The following TM2D2 variants were observed in gnomAD, a reference collection of about 807,000 sequenced individuals.
The protein encoded by TM2D2 is TM2 domain-containing protein 2.
In TM2D2, 19 loss-of-function variants were observed where a neutral mutation model predicts 23.0. The observed-to-expected ratio is 0.82, with a 90% CI of 0.58 to 1.21. The LOEUF is 1.21. Among genes scored for constraint, TM2D2 ranks in the 50% most tolerant of loss-of-function variants. TM2D2 has a pLI of 0.00. For synonymous variants in TM2D2, 120 were observed against 108.8 expected, an observed-to-expected ratio of 1.10 and a Z score of -0.64; for missense variants, 246 against 265.4, an observed-to-expected ratio of 0.93 and a Z score of 0.51.
rs922509365 is a variant in TM2D2, at chr8:38,990,282, G to A, written c.*1050C>T. The A allele has an allele frequency of 6.6e-6, 1 of 152,204 alleles. No individual in the cohort carries two copies. The highest frequency in any genetic ancestry group is 1.5e-5 in the Non-Finnish European group (1 of 68,034). The allele number at this position is 152,204 out of a possible 1,614,324, so 9.4% of individuals were successfully genotyped here. On this transcript the variant is annotated 3_prime_UTR_variant, in exon 4 of 4. Coordinates refer to ENST00000456397, the MANE Select transcript of TM2D2 (RefSeq NM_078473.3). ...GAGTTCTACCTTGTTTCTAGAATTT[G>A]TAAGTTATTCTGAGTAAAGCCTCTT...
rs545024305 is a variant in TM2D2 at position 38,994,697 on chromosome 8, T to C, written c.315+621A>G. On this transcript the variant is annotated intron_variant, in intron 2 of 3. Transcript: ENST00000456397. Reference sequence around the variant, plus strand: ...GTGGGGAGGAGATACATGAACTTCATTGGTTATTTTGAGAGATTGATTAGG... The same window carrying C: ...GTGGGGAGGAGATACATGAACTTCACTGGTTATTTTGAGAGATTGATTAGG... 1.4e-4 allele frequency among the ~76,000 whole-genome samples: 22 copies of C among 152,290 alleles called. No homozygotes were observed. In the South Asian group the frequency reaches 3.7e-3, roughly 26 times the overall value.
At position 38,990,258 on chromosome 8, in the gene TM2D2, A is replaced by C. The variant is rs1414829206; in HGVS notation, c.*1074T>G. 1 of 152,254 alleles carries C rather than the reference A, an allele frequency of 6.6e-6. No individual in the cohort carries two copies. Among genetic ancestry groups the C allele is most frequent in the Admixed American group, 6.5e-5 (1 of 15,282 alleles). The allele number at this position is 152,254 out of a possible 1,614,324, so 9.4% of individuals were successfully genotyped here. On this transcript the variant is annotated 3_prime_UTR_variant, in exon 4 of 4. Coordinates refer to ENST00000456397, the MANE Select transcript of TM2D2 (RefSeq NM_078473.3). ...CAATTATTATTAGGTAAACTGAGTGAGTTCTACCTTGTTTCTAGAATTTGT... is the reference window on the plus strand; with the variant it reads ...CAATTATTATTAGGTAAACTGAGTGCGTTCTACCTTGTTTCTAGAATTTGT...
At chr8:38,991,581 G>T in intron 3 of TM2D2, 36 bp from the exon 4 acceptor site, 1 of 1,516,600 alleles carries the variant, frequency 6.6e-7, no homozygotes, top group Non-Finnish European at 9.1e-7. Flanking sequence ...ATGTTTTACT[G>T]CACGAAAATT....
rs1164794105 is a variant in TM2D2 at position 38,990,720 on chromosome 8, A to G, written c.*612T>C. On this transcript the variant is annotated 3_prime_UTR_variant, in exon 4 of 4. Transcript: ENST00000456397. ...TGGAGACAAAAGAGGGCTTAATAGG[A>G]TGGCTCATTTCAAATGACTAGGTTT... The G allele has an allele frequency of 6.5e-6, 1 of 153,552 alleles. No individual in the cohort carries two copies. The highest frequency in any genetic ancestry group is 1.4e-5 in the Non-Finnish European group (1 of 69,020). The allele number at this position is 153,552 out of a possible 1,614,324, so 9.5% of individuals were successfully genotyped here.
rs760852155 is a variant in TM2D2, at chr8:38,993,621, C to G, written c.355G>C (p.Val119Leu). The change falls in exon 3 of 4, where the codon GTC becomes CTC. Residue 119 changes from valine to leucine, a missense_variant. Physicochemically the swap from Val to Leu is conservative, Grantham distance 32 (BLOSUM62 1). Transcript: ENST00000456397. ...ATTCCATCTAAGGCATGGCACTGGA[C>G]TGAAGTGTGTTCCACGTCGCTGTAG... is the stretch of plus-strand genomic sequence containing the variant. ...QAYSDVEHTS[V>L]QCHALDGIEC... 1 of 1,613,998 alleles carries G rather than the reference C, an allele frequency of 6.2e-7. No homozygotes were observed. Among genetic ancestry groups the G allele is most frequent in the Non-Finnish European group, 8.5e-7 (1 of 1,179,878 alleles).
Position 38,991,455 on chromosome 8 carries a change from G to A in TM2D2, c.522C>T (p.Gly174=). 1 of 1,613,834 alleles carries A rather than the reference G, an allele frequency of 6.2e-7. No individual in the cohort carries two copies. ...GCGTCAACAGCTTCCCTACTGCAGT[G>A]CCAGTGTGTCCCAAACAGAATCGAT... ...GVDRFCLGHT[G]TAVGKLLTLG... Residue 174 remains glycine, a synonymous_variant, in exon 4 of 4, where the codon GGC becomes GGT. Transcript: ENST00000456397.
At chr8:38,995,920 TA>T (rs1835764043) in intron 1 of TM2D2, 2 of 767,900 alleles carry the variant, frequency 2.6e-6, no homozygotes, top group Admixed American at 3.6e-5. Flanking sequence ...CTCCTTGGGC[TA>T]AAGGGCGCAG....
At position 38,996,247 on chromosome 8, in the gene TM2D2, C is replaced by A. The variant is rs1244352270; in HGVS notation, c.193G>T (p.Asp65Tyr). The part of the protein sequence containing the change: ...PGGAASWEYG[D>Y]PHSPVILCSY... Reference sequence around the variant, plus strand: ...CAGAGGATGACCGGAGAGTGGGGGTCGCCATATTCCCAGCTCGCAGCACCC... The same window carrying A: ...CAGAGGATGACCGGAGAGTGGGGGTAGCCATATTCCCAGCTCGCAGCACCC... Residue 65 changes from aspartate to tyrosine, a missense_variant, in exon 1 of 4, where the codon GAC (aspartate) becomes TAC (tyrosine). By Grantham distance (160) the Asp-to-Tyr change is radical. Coordinates refer to ENST00000456397, the MANE Select transcript of TM2D2 (RefSeq NM_078473.3). The A allele has an allele frequency of 6.2e-7, 1 of 1,613,798 alleles. No individual in the cohort carries two copies. Among genetic ancestry groups the A allele is most frequent in the Admixed American group, 1.7e-5 (1 of 60,014 alleles).
intron 3 of TM2D2, among the ~76,000 whole-genome samples, chr8:38,992,303 C>CAAAAAAA (rs11332696): frequency 1.5e-4 from 7 of 47,390 alleles, no homozygotes; most frequent in African/African-American, 3.6e-4. Flanking sequence ...CTGTTTCTAC[C>CAAAAAAA]AAAAAAAAAA....
upstream of TM2D2, chr8:38,996,884 G>A (rs1019410092): frequency 2.0e-6 from 3 of 1,463,434 alleles, no homozygotes; most frequent in African/African-American, 4.2e-5. Context: ...GATGTCGGGA[G>A]CGAGCTCGGA....
Position 38,996,420 on chromosome 8 carries a change from G to A in TM2D2, c.20C>T (p.Pro7Leu), listed in dbSNP as rs750181557. The A allele has an allele frequency of 1.2e-6, 2 of 1,614,118 alleles. No individual in the cohort carries two copies. The highest frequency in any genetic ancestry group is 2.2e-5 in the East Asian group (1 of 44,878). MVLGGCPVSYLLLCGQA... is the reference protein window; with the variant it reads MVLGGCLVSYLLLCGQA... ...GCCGCACAGAAGTAAGTAACTAACC[G>A]GGCAACCACCTAGCACCATCTTCCC... is the stretch of plus-strand genomic sequence containing the variant. The change falls in exon 1 of 4, where the codon CCG becomes CTG. Residue 7 changes from proline to leucine, a missense_variant. This residue lies in a region of TM2D2 where 212 missense variants were observed against 202.2 expected (regional missense o/e 1.05). Coordinates refer to ENST00000456397, the MANE Select transcript of TM2D2 (RefSeq NM_078473.3).
rs541438505 is a variant in TM2D2, at chr8:38,991,932, A to G, written c.432-387T>C. ...GAATAACCTCAGCAGGCTCTAAGCT[A>G]TAGGAGTGGTCCCTGGTTGCCTGGC... On this transcript the variant is annotated intron_variant, in intron 3 of 3. Coordinates refer to ENST00000456397, the MANE Select transcript of TM2D2 (RefSeq NM_078473.3). Among the ~76,000 whole-genome samples the G allele has an allele frequency of 5.8e-4, 89 of 152,280 alleles. 1 individual carries two copies. The highest frequency in any genetic ancestry group is 1.4e-3 in the Admixed American group (22 of 15,298).
At chr8:38,995,127 T>G in intron 2 of TM2D2, 191 bp downstream of exon 2, 1 of 497,118 alleles carries the variant, frequency 2.0e-6, no homozygotes, top group Non-Finnish European at 3.5e-6. Flanking sequence ...AGCACAGAGA[T>G]TGCTCCTTCA....
intron 3 of TM2D2, among the ~76,000 whole-genome samples, chr8:38,992,135 G>A (rs939684421): frequency 6.6e-6 from 1 of 151,924 alleles, no homozygotes; most frequent in African/African-American, 2.4e-5. Context: ...AGCCAGAAAG[G>A]TTTTTAAGAT....
intron 3 of TM2D2, among the ~76,000 whole-genome samples, chr8:38,993,245 T>C (rs1835655359): frequency 6.6e-6 from 1 of 152,326 alleles, no homozygotes; most frequent in South Asian, 2.1e-4. Context: ...CAATGAATTA[T>C]GCACAATGGT....
Position 38,991,619 on chromosome 8 carries a change from CG to C in TM2D2, c.432-75del, listed in dbSNP as rs1835603936. 8 of 1,165,914 alleles carry C rather than the reference CG, an allele frequency of 6.9e-6. No homozygotes were observed. The South Asian group carries it at 1.0e-4, about 15-fold the overall frequency. The allele number at this position is 1,165,914 out of a possible 1,614,324, so 72.2% of individuals were successfully genotyped here. ...AACCCTTAAGGATTAGTGAATTTAA[CG>C]TAAGTGATGAGACAGTGCAGTGGAC... On this transcript the variant is annotated intron_variant, in intron 3 of 3. Transcript: ENST00000456397.
intron 3 of TM2D2, 106 bp downstream of exon 3, chr8:38,993,439 G>A: frequency 1.3e-6 from 1 of 756,282 alleles, no homozygotes; most frequent in Non-Finnish European, 2.0e-6. Flanking sequence ...CTGGGTAACA[G>A]AGTGAGACCC....
intron 2 of TM2D2, chr8:38,993,902 T>TG: frequency 3.4e-6 from 1 of 292,600 alleles, no homozygotes; most frequent in Non-Finnish European, 6.5e-6. Flanking sequence ...TTCAATAATA[T>TG]AGTAAAAAAA....
At chr8:38,993,502 C>A in intron 3 of TM2D2, 43 bp downstream of exon 3, 1 of 1,443,856 alleles carries the variant, frequency 6.9e-7, no homozygotes, top group Non-Finnish European at 9.7e-7. Flanking sequence ...AATGGCTCTA[C>A]CTCCAACCAA....
Sources: allele counts gnomAD v4.1 joint callset (sites outside exome capture counted in the v4.1 genomes callset), GRCh38; gene constraint gnomAD v4.1.1; regional missense constraint gnomAD v4.1.1; transcripts MANE v1.5; gene names NCBI Gene and HGNC (gene_info 2026-07-23, HGNC 2026-07-21).